CACNA2D2: variants seen among roughly 807,000 people sequenced by gnomAD.
CACNA2D2 encodes voltage-dependent calcium channel subunit alpha-2/delta-2.
CACNA2D2 carries 48 observed loss-of-function variants against 166.4 expected under a neutral mutation model. The observed-to-expected ratio is 0.29, with a 90% CI of 0.23 to 0.37. The LOEUF is 0.37. Among genes scored for constraint, CACNA2D2 ranks in the 10% least tolerant of loss-of-function variants. CACNA2D2 has a pLI of 1.00. For synonymous variants in CACNA2D2, 561 were observed against 573.7 expected, an observed-to-expected ratio of 0.98 and a Z score of 0.32; for missense variants, 1,122 against 1,433.0, an observed-to-expected ratio of 0.78 and a Z score of 3.50.
At chr3:50,491,718 G>A (rs995523250) in intron 1 of CACNA2D2, among the ~76,000 whole-genome samples, 1 of 152,232 alleles carries the variant, frequency 6.6e-6, no homozygotes, top group Non-Finnish European at 1.5e-5. Flanking sequence ...AGGACTATCA[G>A]TCGGGGGACT....
At chr3:50,419,052 A>T (rs1707418250) in intron 3 of CACNA2D2, among the ~76,000 whole-genome samples, 1 of 151,806 alleles carries the variant, frequency 6.6e-6, no homozygotes, top group African/African-American at 2.4e-5. Context: ...GAACATGGGG[A>T]GCTGGTGACT....
chr3:50,413,631 G>C (rs142167249), intron 3 of CACNA2D2, among the ~76,000 whole-genome samples: 1 of 152,264 alleles, frequency 6.6e-6, no homozygotes, highest in African/African-American at 2.4e-5. Context: ...TGGATCACTT[G>C]AGGCCAGGAG....
Position 50,452,184 on chromosome 3 carries a change from C to T in CACNA2D2, c.289-17755G>A, listed in dbSNP as rs150524410. Among the ~76,000 whole-genome samples, 40 of 152,330 alleles carry T rather than the reference C, an allele frequency of 2.6e-4. No individual in the cohort carries two copies. In the East Asian group the frequency reaches 7.5e-3, roughly 29 times the overall value. ...TCCCTTGGCCTCAATGGGGACAGCT[C>T]TGATGGGCCAGCCCACCTCCAGGGC... On this transcript the variant is annotated intron_variant, in intron 2 of 37. Coordinates refer to ENST00000424201, the MANE Select transcript of CACNA2D2 (RefSeq NM_006030.4).
chr3:50,455,729 C>T (rs1709331754), intron 2 of CACNA2D2, among the ~76,000 whole-genome samples: 1 of 152,152 alleles, frequency 6.6e-6, no homozygotes, highest in Non-Finnish European at 1.5e-5. Context: ...CTCTGGGAGG[C>T]TCCCAGAATC....
intron 1 of CACNA2D2, among the ~76,000 whole-genome samples, chr3:50,479,197 C>A (rs1697937484): frequency 6.6e-6 from 1 of 152,198 alleles, no homozygotes; most frequent in African/African-American, 2.4e-5. Flanking sequence ...CTCTTACGCA[C>A]AGTCTCCTTA....
At chr3:50,389,148 G>A (rs927090050) in intron 4 of CACNA2D2, among the ~76,000 whole-genome samples, 3 of 152,214 alleles carry the variant, frequency 2.0e-5, no homozygotes, top group East Asian at 3.9e-4. Context: ...CTGCAGCCCC[G>A]GTGGGCCTGG....
chr3:50,496,360 C>T (rs530069957), intron 1 of CACNA2D2, among the ~76,000 whole-genome samples: 2 of 152,354 alleles, frequency 1.3e-5, no homozygotes, highest in African/African-American at 4.8e-5. Context: ...AGTGGGTATA[C>T]GCACAAGCAT....
intron 1 of CACNA2D2, among the ~76,000 whole-genome samples, chr3:50,497,933 GA>G (rs1410775430): frequency 2.6e-5 from 4 of 151,290 alleles, no homozygotes; most frequent in Admixed American, 6.6e-5. Context: ...AAGAAGAAAA[GA>G]AAAAAAAACC....
chr3:50,394,057 C>T, intron 4 of CACNA2D2, 52 bp downstream of exon 4: 1 of 1,550,728 alleles, frequency 6.4e-7, no homozygotes, highest in Non-Finnish European at 8.9e-7. Context: ...CATTCAAATC[C>T]ACGCATGGAT....
rs1704182186 is a variant in CACNA2D2, at chr3:50,365,277, G to C, written c.3098+79C>G. The C allele has an allele frequency of 6.1e-6, 6 of 986,944 alleles. No individual in the cohort carries two copies. Among genetic ancestry groups the C allele is most frequent in the Non-Finnish European group, 7.6e-6 (6 of 785,580 alleles). The allele number at this position is 986,944 out of a possible 1,614,324, so 61.1% of individuals were successfully genotyped here. ...CCGCCCCCGGCCGCTCGGAGGCCCC[G>C]CCCCTTCCATCCTCCCGAGCGTCTC... On this transcript the variant is annotated intron_variant, in intron 35 of 37. Coordinates refer to ENST00000424201, the MANE Select transcript of CACNA2D2 (RefSeq NM_006030.4). The surrounding 1 kb of genome is among the most constrained non-coding windows in gnomAD (Gnocchi z 4.5).
intron 6 of CACNA2D2, among the ~76,000 whole-genome samples, chr3:50,382,432 C>G (rs370153764): frequency 3.3e-5 from 5 of 152,372 alleles, no homozygotes; most frequent in African/African-American, 1.2e-4. Flanking sequence ...CTGACACACT[C>G]TGGGGCACTC....
chr3:50,466,313 G>A (rs1412084134), intron 2 of CACNA2D2, among the ~76,000 whole-genome samples: 1 of 151,924 alleles, frequency 6.6e-6, no homozygotes, highest in Non-Finnish European at 1.5e-5. Context: ...ACCCACAATT[G>A]AGATTTCTCA....
chr3:50,398,041 C>T (rs1706247434), intron 3 of CACNA2D2, among the ~76,000 whole-genome samples: 1 of 152,186 alleles, frequency 6.6e-6, no homozygotes, highest in Non-Finnish European at 1.5e-5. Context: ...TCCCTTCTAC[C>T]TCTCCCTGGT....
At position 50,375,728 on chromosome 3, in the gene CACNA2D2, G is replaced by A. The variant is rs766136784; in HGVS notation, c.1846-23C>T. On this transcript the variant is annotated intron_variant, in intron 20 of 37. Transcript: ENST00000424201. The surrounding 1 kb of genome is among the most constrained non-coding windows in gnomAD (Gnocchi z 4.0). ...CCTCTGGGAGAGGAGGCTGGGTCAG[G>A]TACTTGGGCTAGCAGGCAGGGGGCG... The A allele has an allele frequency of 4.3e-6, 7 of 1,613,168 alleles. No individual in the cohort carries two copies. In the South Asian group the frequency reaches 7.7e-5, roughly 18 times the overall value.
chr3:50,499,917 CTG>C (rs1328651732), intron 1 of CACNA2D2, among the ~76,000 whole-genome samples: 1 of 152,132 alleles, frequency 6.6e-6, no homozygotes, highest in Non-Finnish European at 1.5e-5. Flanking sequence ...ACCAGGAGGG[CTG>C]TGAGCACCTG....
In CACNA2D2 at chr3:50,363,355, G is replaced by C. The variant is rs1399023914; in HGVS notation, c.*1311C>G. ...CTCCCCCTCCTCCCAGTCCATCTGAGCCCCATCACTATATCCCCTTGCCCT... is the reference window on the plus strand; with the variant it reads ...CTCCCCCTCCTCCCAGTCCATCTGACCCCCATCACTATATCCCCTTGCCCT... On this transcript the variant is annotated 3_prime_UTR_variant, in exon 38 of 38. Coordinates refer to ENST00000424201, the MANE Select transcript of CACNA2D2 (RefSeq NM_006030.4). 1 of 398,328 alleles carries C rather than the reference G, an allele frequency of 2.5e-6. No homozygotes were observed. The highest frequency in any genetic ancestry group is 3.6e-5 in the East Asian group (1 of 28,060). The allele number at this position is 398,328 out of a possible 1,614,324, so 24.7% of individuals were successfully genotyped here.
intron 4 of CACNA2D2, among the ~76,000 whole-genome samples, chr3:50,393,095 C>G (rs564300910): frequency 2.6e-5 from 4 of 152,094 alleles, no homozygotes; most frequent in Non-Finnish European, 5.9e-5. Flanking sequence ...CCCTGACACC[C>G]GACAGCCAGC....
chr3:50,364,973 G>T lies in CACNA2D2; in HGVS notation c.3209-3C>A. 1.2e-6 allele frequency: 2 copies of T among 1,612,628 alleles called. No individual in the cohort carries two copies. The highest frequency in any genetic ancestry group is 1.7e-6 in the Non-Finnish European group (2 of 1,179,722). ...CTCACACTGCTCCGGGCCGTCCGCT[G>T]GGCATGGGTGGGGAGTCAAGGAGGC... On this transcript the variant is annotated splice_polypyrimidine_tract_variant and splice_region_variant and intron_variant, in intron 36 of 37. Transcript: ENST00000424201.
At position 50,367,647 on chromosome 3, in the gene CACNA2D2, G is replaced by T; in HGVS notation, c.2292C>A (p.Pro764=). 1 of 1,611,728 alleles carries T rather than the reference G, an allele frequency of 6.2e-7. No individual in the cohort carries two copies. The change falls in exon 26 of 38, where the codon CCC becomes CCA. Residue 764 remains proline (P), a synonymous_variant. Coordinates refer to ENST00000424201, the MANE Select transcript of CACNA2D2 (RefSeq NM_006030.4). The surrounding 1 kb of genome is among the most constrained non-coding windows in gnomAD (Gnocchi z 6.5). ...TAGTGGGATAGGTCACTTACTTGTT[G>T]GGGAAGACTCGGGTGATGCCACCGT... ...ATDGGITRVF[P]NKAAEDWTEN... is the part of the protein sequence containing the mutation.
Sources: allele counts gnomAD v4.1 joint callset (sites outside exome capture counted in the v4.1 genomes callset), GRCh38; gene constraint gnomAD v4.1.1; non-coding constraint Gnocchi (gnomAD v3.1); transcripts MANE v1.5; gene names NCBI Gene and HGNC (gene_info 2026-07-23, HGNC 2026-07-21).